Variants in MYB observed in about 807,000 individuals in gnomAD.
The protein encoded by MYB is MYB proto-oncogene, transcription factor.
A neutral mutation model predicts 92.9 loss-of-function variants in MYB; 28 were observed. The ratio of observed to expected loss-of-function variants is 0.30; its 90% CI spans 0.22 to 0.41. The LOEUF (loss-of-function observed/expected upper bound fraction) is 0.41. MYB is among the 10% of genes least tolerant of loss of function. The pLI, the probability that MYB is intolerant of heterozygous loss-of-function variation, is 1.00. For missense variants in MYB, 679 were observed against 929.3 expected, an observed-to-expected ratio of 0.73 and a Z score of 3.50; for synonymous variants, 295 against 329.1, an observed-to-expected ratio of 0.90 and a Z score of 1.12.
chr6:135,192,581 GTT>G (rs938144552), intron 6 of MYB, 23 bp downstream of exon 6: 1 of 1,600,392 alleles, frequency 6.2e-7, no homozygotes, highest in Non-Finnish European at 8.6e-7. Flanking sequence ...TGTGAATCTA[GTT>G]TAATGAGAGA....
intron 8 of MYB, chr6:135,195,352 G>GTA: frequency 4.8e-5 from 8 of 167,622 alleles, no homozygotes; most frequent in South Asian, 1.1e-4. Context: ...TAACTCCTGA[G>GTA]TCCTCTAGCT....
rs146513087 is a variant in MYB at position 135,212,034 on chromosome 6, A to ATGTC, written c.2170-5829_2170-5826dup. Among the ~76,000 whole-genome samples, 616 of 152,264 alleles carry ATGTC rather than the reference A, an allele frequency of 4.0e-3. 4 individuals carry two copies. Among genetic ancestry groups the ATGTC allele is most frequent in the African/African-American group, 0.014 (595 of 41,542 alleles). On this transcript the variant is annotated intron_variant, in intron 15 of 15. Coordinates refer to ENST00000341911, the MANE Select transcript of MYB (RefSeq NM_001130173.2). Reference sequence around the variant, plus strand: ...TATAACTGATCCATTTTTTCAAAAGATGTCCCTTTGGGAAGGAATTCTCAT... The same window carrying ATGTC: ...TATAACTGATCCATTTTTTCAAAAGATGTCTGTCCCTTTGGGAAGGAATTCTCAT...
rs1780708601 is a variant in MYB at position 135,218,255 on chromosome 6, A to AC, written c.*275_*276insC. 1 of 351,786 alleles carries AC rather than the reference A, an allele frequency of 2.8e-6. No homozygotes were observed. The highest frequency in any genetic ancestry group is 5.2e-6 in the Non-Finnish European group (1 of 192,250). 21.8% of individuals were successfully genotyped at this position (351,786 alleles called of 1,614,324 possible). A position where few individuals can be genotyped will look rare whatever the true frequency, so the allele number is the denominator to read the frequency against. ...TATCTTAATGCAGATTTTTTTAAAA[A>AC]AAACATAAAATGATTTATCTGTATT... On this transcript the variant is annotated 3_prime_UTR_variant, in exon 16 of 16. Coordinates refer to ENST00000341911, the MANE Select transcript of MYB (RefSeq NM_001130173.2).
At chr6:135,211,928 A>C (rs997880770) in intron 15 of MYB, among the ~76,000 whole-genome samples, 3 of 152,214 alleles carry the variant, frequency 2.0e-5, no homozygotes, top group Admixed American at 2.0e-4. Context: ...TTTGGTAACC[A>C]TTAATCTTAC....
At chr6:135,194,231 G>C (rs1776993066) in intron 7 of MYB, 125 bp from the exon 8 acceptor site, 2 of 693,800 alleles carry the variant, frequency 2.9e-6, no homozygotes, top group Non-Finnish European at 4.8e-6. Context: ...AAATTTGGTT[G>C]GTGGTGTTGT....
At chr6:135,197,835 C>T (rs562549594) in intron 10 of MYB, among the ~76,000 whole-genome samples, 35 of 152,248 alleles carry the variant, frequency 2.3e-4, no homozygotes, top group African/African-American at 8.2e-4. Context: ...GGATGAGAAA[C>T]AAATGCTTAA....
chr6:135,196,727 T>G (rs961534252), intron 9 of MYB: 1 of 1,495,594 alleles, frequency 6.7e-7, no homozygotes, highest in Admixed American at 2.0e-5. Flanking sequence ...TGCATGCAGA[T>G]GTAGAGTGTC....
At chr6:135,201,006 G>C (rs980693114) in intron 13 of MYB, among the ~76,000 whole-genome samples, 9 of 152,076 alleles carry the variant, frequency 5.9e-5, no homozygotes, top group Admixed American at 2.0e-4. Flanking sequence ...GTGAACCCGG[G>C]AGGCAGATCT....
chr6:135,210,543 A>G (rs1016605662), intron 15 of MYB, among the ~76,000 whole-genome samples: 3 of 152,356 alleles, frequency 2.0e-5, no homozygotes, highest in Non-Finnish European at 2.9e-5. Flanking sequence ...TTATTTGTCT[A>G]TGAACTTTTA....
At chr6:135,194,926 A>G in intron 8 of MYB, 2 of 1,303,752 alleles carry the variant, frequency 1.5e-6, no homozygotes, top group Non-Finnish European at 2.0e-6. Flanking sequence ...CATAAATAAC[A>G]TTAGCTGCTC....
Position 135,217,981 on chromosome 6 carries a change from G to A in MYB, c.*1G>A, listed in dbSNP as rs1457644081. The A allele has an allele frequency of 4.4e-6, 7 of 1,583,730 alleles. No homozygotes were observed. The highest frequency in any genetic ancestry group is 2.7e-5 in the African/African-American group (2 of 74,176). ...CTCAGCCCGGACGCTGGTCATGTGAGACATTTCCAGAAAAGCATTATGGTT... is the reference window on the plus strand; with the variant it reads ...CTCAGCCCGGACGCTGGTCATGTGAAACATTTCCAGAAAAGCATTATGGTT... On this transcript the variant is annotated 3_prime_UTR_variant, in exon 16 of 16. Coordinates refer to ENST00000341911, the MANE Select transcript of MYB (RefSeq NM_001130173.2).
At chr6:135,183,853 C>A (rs1029174178) in intron 1 of MYB, among the ~76,000 whole-genome samples, 1 of 152,184 alleles carries the variant, frequency 6.6e-6, no homozygotes, top group Non-Finnish European at 1.5e-5. Context: ...TGTATTAGCG[C>A]TGGAAAGTAC....
At chr6:135,204,428 A>G (rs1469765932) in intron 15 of MYB, among the ~76,000 whole-genome samples, 1 of 152,098 alleles carries the variant, frequency 6.6e-6, no homozygotes, top group African/African-American at 2.4e-5. Context: ...CCTCCCAATT[A>G]GCTGGAATTA....
chr6:135,191,183 C>G (rs1422920947), intron 5 of MYB, among the ~76,000 whole-genome samples: 1 of 152,126 alleles, frequency 6.6e-6, no homozygotes, highest in African/African-American at 2.4e-5. Flanking sequence ...ATACTACTTC[C>G]AGGTTTTTAA....
chr6:135,190,404 C>T lies in MYB; in HGVS notation c.527+57C>T, dbSNP rs1204037933. On this transcript the variant is annotated intron_variant, in intron 5 of 15. Coordinates refer to ENST00000341911, the MANE Select transcript of MYB (RefSeq NM_001130173.2). This position sits in a 1 kb window ranked among gnomAD's most constrained non-coding sequence, Gnocchi z 4.5. ...GAAGAATGAGGGAGTGGGTATTGAA[C>T]ATTCTGCTTTAAATGTATGGTGAGT... 5 of 1,345,186 alleles carry T rather than the reference C, an allele frequency of 3.7e-6. No homozygotes were observed. The highest frequency in any genetic ancestry group is 5.3e-6 in the Non-Finnish European group (5 of 948,928). 83.3% of individuals were successfully genotyped at this position (1,345,186 alleles called of 1,614,324 possible). A position where few individuals can be genotyped will look rare whatever the true frequency, so the allele number is the denominator to read the frequency against.
chr6:135,195,715 CTCTT>C, intron 8 of MYB, 29 bp from the exon 9 acceptor site: 1 of 1,608,208 alleles, frequency 6.2e-7, no homozygotes, highest in Non-Finnish European at 8.5e-7. Context: ...CTTCTGTCCT[CTCTT>C]TATTTCTACA....
intron 1 of MYB, among the ~76,000 whole-genome samples, chr6:135,183,795 G>C (rs1489016918): frequency 6.6e-6 from 1 of 152,180 alleles, no homozygotes; most frequent in Non-Finnish European, 1.5e-5. Context: ...GCACATCTTT[G>C]CCTCTGTGCT....
chr6:135,216,628 A>T lies in MYB; in HGVS notation c.2170-1236A>T, dbSNP rs112607729. Reference sequence around the variant, plus strand: ...GATCTGCCATTGATTGAATCTATGGATGTGGAACCCACAGATATGGGACCC... The same window carrying T: ...GATCTGCCATTGATTGAATCTATGGTTGTGGAACCCACAGATATGGGACCC... On this transcript the variant is annotated intron_variant, in intron 15 of 15. Transcript: ENST00000341911. Among the ~76,000 whole-genome samples the T allele has an allele frequency of 8.9e-4, 135 of 152,314 alleles. 1 individual carries two copies. Among genetic ancestry groups the T allele is most frequent in the African/African-American group, 3.1e-3 (128 of 41,560 alleles).
rs1205416059 is a variant in MYB at position 135,182,035 on chromosome 6, T to C, written c.23+499T>C. Reference sequence around the variant, plus strand: ...TCATTTAAATTTCATTCATTCTTTATGGAGGCGAGGACCAGTGTCAGCTGA... The same window carrying C: ...TCATTTAAATTTCATTCATTCTTTACGGAGGCGAGGACCAGTGTCAGCTGA... On this transcript the variant is annotated intron_variant, in intron 1 of 15. Transcript: ENST00000341911. The surrounding 1 kb of genome is among the most constrained non-coding windows in gnomAD (Gnocchi z 5.6). 6.6e-6 allele frequency among the ~76,000 whole-genome samples: 1 copy of C among 152,214 alleles called. No homozygotes were observed. The highest frequency in any genetic ancestry group is 1.9e-4 in the East Asian group (1 of 5,200).
Sources: gnomAD v4.1 joint callset for allele counts (sites outside exome capture counted in the v4.1 genomes callset) on GRCh38, gnomAD v4.1.1 for gene constraint, Gnocchi (gnomAD v3.1) non-coding constraint, MANE v1.5 for transcripts, NCBI Gene and HGNC (gene_info 2026-07-23, HGNC 2026-07-21) for gene names.